Variants in KIAA0319L observed in about 807,000 individuals in gnomAD.
KIAA0319L encodes the protein KIAA0319 like, also known as dyslexia-associated protein KIAA0319-like protein.
A neutral mutation model predicts 120.1 loss-of-function variants in KIAA0319L; 55 were observed. That is an observed-to-expected ratio of 0.46 (90% CI 0.37 to 0.57). The LOEUF (loss-of-function observed/expected upper bound fraction) is 0.57. KIAA0319L is among the 20% of genes least tolerant of loss of function. The pLI, the probability that KIAA0319L is intolerant of heterozygous loss-of-function variation, is 0.00. For synonymous variants in KIAA0319L, 398 were observed against 471.9 expected (o/e 0.84, Z 2.03); for missense variants, 1,049 against 1,255.3 (o/e 0.84, Z 2.48).
chr1:35,536,403 A>G (rs1304970256), intron 2 of KIAA0319L, among the ~76,000 whole-genome samples: 1 of 152,250 alleles, frequency 6.6e-6, no homozygotes, highest in Non-Finnish European at 1.5e-5. Context: ...CAAAGGTGAC[A>G]TAAGCCTTCA....
At chr1:35,499,315 G>T (rs1422753599) in intron 3 of KIAA0319L, among the ~76,000 whole-genome samples, 1 of 152,068 alleles carries the variant, frequency 6.6e-6, no homozygotes, top group African/African-American at 2.4e-5. Context: ...CCTTTGGAAG[G>T]TAATTAGGTC....
At chr1:35,477,450 A>G (rs745768523) in intron 4 of KIAA0319L, among the ~76,000 whole-genome samples, 28 of 152,032 alleles carry the variant, frequency 1.8e-4, no homozygotes, top group East Asian at 9.7e-4. Flanking sequence ...GACGGATCAC[A>G]AGGTCAGGAG....
intron 2 of KIAA0319L, among the ~76,000 whole-genome samples, chr1:35,523,385 T>C (rs1430543222): frequency 1.3e-5 from 2 of 152,202 alleles, no homozygotes; most frequent in Admixed American, 1.3e-4. Flanking sequence ...ACATTGTAGG[T>C]GCTCAAAAAA....
Position 35,517,570 on chromosome 1 carries a change from G to T in KIAA0319L, c.143-10435C>A, listed in dbSNP as rs13235370. Reference sequence around the variant, plus strand: ...CATATACAAAAATCAAATCAAGATGGATTAAAGACCTAAATGTAAAACCCA... The same window carrying T: ...CATATACAAAAATCAAATCAAGATGTATTAAAGACCTAAATGTAAAACCCA... On this transcript the variant is annotated intron_variant, in intron 2 of 20. Coordinates refer to ENST00000325722, the MANE Select transcript of KIAA0319L (RefSeq NM_024874.5). 2.6e-5 allele frequency among the ~76,000 whole-genome samples: 4 copies of T among 152,270 alleles called. No individual in the cohort carries two copies. In the East Asian group the frequency reaches 7.7e-4, roughly 29 times the overall value.
At position 35,484,795 on chromosome 1, in the gene KIAA0319L, TATA is replaced by T. The variant is rs1291475875; in HGVS notation, c.667-5586_667-5584del. On this transcript the variant is annotated intron_variant, in intron 3 of 20. Transcript: ENST00000325722. ...ATATATATATATATATATATATATATATATATATATATTTTTTTTTTTATTATA... is the reference window on the plus strand; with the variant it reads ...ATATATATATATATATATATATATATTATATATATTTTTTTTTTTATTATA... 1.9e-3 allele frequency among the ~76,000 whole-genome samples: 113 copies of T among 59,666 alleles called. 1 individual carries two copies. Among genetic ancestry groups the T allele is most frequent in the African/African-American group, 7.4e-3 (82 of 11,046 alleles). 39.1% of individuals were successfully genotyped at this position (59,666 alleles called of 152,430 possible).
intron 3 of KIAA0319L, among the ~76,000 whole-genome samples, chr1:35,481,644 C>T (rs545784432): frequency 5.9e-5 from 9 of 151,896 alleles, no homozygotes; most frequent in Non-Finnish European, 1.3e-4. Flanking sequence ...AATTGACATA[C>T]AATAAATTGA....
intron 7 of KIAA0319L, among the ~76,000 whole-genome samples, chr1:35,463,333 A>G (rs1451695825): frequency 6.6e-6 from 1 of 152,198 alleles, no homozygotes. Context: ...CTAGTTGATG[A>G]AAAGTACTAC....
chr1:35,518,075 C>T (rs1645754805), intron 2 of KIAA0319L, among the ~76,000 whole-genome samples: 1 of 152,178 alleles, frequency 6.6e-6, no homozygotes, highest in Non-Finnish European at 1.5e-5. Context: ...ATAACAGATG[C>T]TGGCAAGATT....
At chr1:35,497,936 ATT>A (rs1257924517) in intron 3 of KIAA0319L, among the ~76,000 whole-genome samples, 1 of 152,236 alleles carries the variant, frequency 6.6e-6, no homozygotes, top group Non-Finnish European at 1.5e-5. Context: ...TATTAAAATA[ATT>A]TGTTTTAAAG....
At chr1:35,454,912 C>A (rs1302196049) in intron 10 of KIAA0319L, among the ~76,000 whole-genome samples, 4 of 152,226 alleles carry the variant, frequency 2.6e-5, no homozygotes, top group Non-Finnish European at 5.9e-5. Flanking sequence ...CTCAGTGAAA[C>A]ATGGCAGCAG....
chr1:35,484,787 T>TTGG (rs1644304112), intron 3 of KIAA0319L, among the ~76,000 whole-genome samples: 1 of 66,478 alleles, frequency 1.5e-5, no homozygotes, highest in Non-Finnish European at 3.2e-5. Flanking sequence ...TATATATATA[T>TTGG]ATATATATAT....
At chr1:35,495,688 T>C (rs1644775658) in intron 3 of KIAA0319L, among the ~76,000 whole-genome samples, 1 of 152,116 alleles carries the variant, frequency 6.6e-6, no homozygotes, top group Non-Finnish European at 1.5e-5. Context: ...GGTCTCACTC[T>C]GTCACCCAGG....
chr1:35,518,453 A>G (rs1171462343), intron 2 of KIAA0319L, among the ~76,000 whole-genome samples: 1 of 152,230 alleles, frequency 6.6e-6, no homozygotes, highest in Admixed American at 6.5e-5. Flanking sequence ...TTAGCAAACT[A>G]ACGCAGGAAC....
intron 2 of KIAA0319L, among the ~76,000 whole-genome samples, chr1:35,524,545 G>T: frequency 6.6e-6 from 1 of 152,118 alleles, no homozygotes; most frequent in East Asian, 1.9e-4. Context: ...CTCCCTACTT[G>T]ACTGTACCTC....
chr1:35,457,289 G>A (rs1002203045), intron 9 of KIAA0319L, among the ~76,000 whole-genome samples: 11 of 151,928 alleles, frequency 7.2e-5, no homozygotes, highest in East Asian at 1.9e-4. Flanking sequence ...GATTCCCTAC[G>A]CTATGTAGTG....
Position 35,548,681 on chromosome 1 carries a change from T to G in KIAA0319L, c.142+5669A>C, listed in dbSNP as rs184901069. Reference sequence around the variant, plus strand: ...GATTAAAGTGCATCATGAAAAAAATTTATAGACCATCTACCTAAAAAGTTT... The same window carrying G: ...GATTAAAGTGCATCATGAAAAAAATGTATAGACCATCTACCTAAAAAGTTT... On this transcript the variant is annotated intron_variant, in intron 2 of 20. Transcript: ENST00000325722. Among the ~76,000 whole-genome samples, 9 of 152,194 alleles carry G rather than the reference T, an allele frequency of 5.9e-5. No homozygotes were observed. The East Asian group carries it at 9.7e-4, about 16-fold the overall frequency.
chr1:35,466,519 T>A (rs931294062), intron 7 of KIAA0319L, 89 bp downstream of exon 7: 1 of 843,670 alleles, frequency 1.2e-6, no homozygotes. Context: ...ACAAAAAAAA[T>A]GAGAATCAAA....
Position 35,455,388 on chromosome 1 carries a change from T to C in KIAA0319L, c.1656+625A>G, listed in dbSNP as rs1211883274. On this transcript the variant is annotated intron_variant, in intron 10 of 20. Transcript: ENST00000325722. The stretch of plus-strand genomic sequence containing the variant: ...TTTATGTTACCTGCCTGGTGACAGA[T>C]CTAGTCTCTCTTCTTAAGCATCTCT... 2.6e-5 allele frequency among the ~76,000 whole-genome samples: 4 copies of C among 152,062 alleles called. No homozygotes were observed. The South Asian group carries it at 8.3e-4, about 32-fold the overall frequency.
intron 2 of KIAA0319L, among the ~76,000 whole-genome samples, chr1:35,518,374 AC>A (rs1308255340): frequency 6.6e-6 from 1 of 152,234 alleles, no homozygotes; most frequent in African/African-American, 2.4e-5. Flanking sequence ...ACCACGGAAT[AC>A]TATGCAGCCA....
Sources: gnomAD v4.1 joint callset for allele counts (sites outside exome capture counted in the v4.1 genomes callset) on GRCh38, gnomAD v4.1.1 for gene constraint, MANE v1.5 for transcripts, NCBI Gene and HGNC (gene_info 2026-07-23, HGNC 2026-07-21) for gene names.